Variants in UGGT2 observed in about 807,000 individuals in gnomAD.
UGGT2 encodes UDP-glucose glycoprotein glucosyltransferase 2, also known as UDP-glucose:glycoprotein glucosyltransferase 2.
Under a neutral mutation model 192.1 loss-of-function variants are expected in UGGT2, and 180 were observed. The ratio of observed to expected loss-of-function variants is 0.94; its 90% confidence interval spans 0.83 to 1.06. The LOEUF (loss-of-function observed/expected upper bound fraction) is 1.06, where lower values mean the gene tolerates loss of function less well. Among genes scored for constraint, UGGT2 ranks in the 50% least tolerant of loss-of-function variants. UGGT2 has a pLI of 0.00. For synonymous variants in UGGT2, 580 were observed against 591.0 expected (o/e 0.98, Z 0.27); for missense variants, 1,849 against 1,795.7 (o/e 1.03, Z -0.54).
In UGGT2 at chr13:95,870,310, TACTCA is replaced by T. The variant is rs368004983; in HGVS notation, c.3474-2892_3474-2888del. On this transcript the variant is annotated intron_variant, in intron 29 of 38. Coordinates refer to ENST00000376747, the MANE Select transcript of UGGT2 (RefSeq NM_020121.4). ...ATACACCCATTTTTGTTGTTGTTGT[TACTCA>T]ACTCTTTTGCAGCTAAGGTTTTGGT... Among the ~76,000 whole-genome samples, 538 of 152,330 alleles carry T rather than the reference TACTCA, an allele frequency of 3.5e-3. 6 individuals carry two copies. Among genetic ancestry groups the T allele is most frequent in the African/African-American group, 0.012 (509 of 41,564 alleles).
intron 33 of UGGT2, chr13:95,856,811 C>T (rs1889668944): frequency 4.5e-6 from 1 of 220,474 alleles, no homozygotes; most frequent in Non-Finnish European, 9.1e-6. Flanking sequence ...TATACAGGAG[C>T]TTCATGTTTG....
intron 2 of UGGT2, among the ~76,000 whole-genome samples, chr13:96,028,980 A>AT (rs1038148180): frequency 8.3e-6 from 1 of 119,924 alleles, no homozygotes; most frequent in African/African-American, 3.0e-5. Context: ...CCCGTCTCTA[A>AT]TAAAAAAAAA....
intron 38 of UGGT2, among the ~76,000 whole-genome samples, chr13:95,821,807 A>G (rs1885545719): frequency 6.6e-6 from 1 of 152,154 alleles, no homozygotes; most frequent in Non-Finnish European, 1.5e-5. Flanking sequence ...AGCATCATTT[A>G]TTGAATAGGG....
chr13:95,931,473 C>G (rs545913994), intron 17 of UGGT2, among the ~76,000 whole-genome samples: 1 of 151,456 alleles, frequency 6.6e-6, no homozygotes, highest in African/African-American at 2.4e-5. Flanking sequence ...TGGGACTGGG[C>G]GCCGCGGAGC....
At chr13:95,946,077 ATGACT>A (rs532909941) in intron 15 of UGGT2, among the ~76,000 whole-genome samples, 4 of 152,194 alleles carry the variant, frequency 2.6e-5, no homozygotes, top group Non-Finnish European at 5.9e-5. Context: ...TTTATAAGCT[ATGACT>A]TGACTTTTCT....
chr13:95,931,936 C>T (rs1012328121), intron 17 of UGGT2, among the ~76,000 whole-genome samples: 5 of 152,072 alleles, frequency 3.3e-5, no homozygotes, highest in African/African-American at 4.8e-5. Flanking sequence ...GAGCGGACGC[C>T]GAGGGCAAGG....
intron 19 of UGGT2, 53 bp from the exon 20 acceptor site, chr13:95,925,827 C>T: frequency 7.9e-7 from 1 of 1,270,152 alleles, no homozygotes; most frequent in Non-Finnish European, 1.1e-6. Flanking sequence ...AAAAATAAAA[C>T]AAAAGCAGGG....
At chr13:96,009,653 C>T (rs1341444742) in intron 5 of UGGT2, among the ~76,000 whole-genome samples, 1 of 152,004 alleles carries the variant, frequency 6.6e-6, no homozygotes, top group Non-Finnish European at 1.5e-5. Context: ...ACTAAAAATA[C>T]AAAAATTAGC....
rs816142 is a variant in UGGT2 at position 95,986,382 on chromosome 13, A to C, written c.982T>G (p.Ser328Ala). ...GAAATGTCTTTCATTAATTTAATGG[A>C]ATCATAAACTGGAGCGGACATTATT... ...SQIMSAPVYD[S>A]IKLMKDISQN... Residue 328 changes from serine to alanine, a missense_variant, in exon 9 of 39, where the codon TCC (serine) becomes GCC (alanine). Ser to Ala is a moderately conservative substitution (Grantham distance 99, BLOSUM62 1). Transcript: ENST00000376747. 1,389,311 of 1,597,810 alleles carry C rather than the reference A, an allele frequency of 0.87. 605,399 individuals carry two copies. The highest frequency in any genetic ancestry group is 0.92 in the East Asian group (40,934 of 44,424).
At chr13:95,950,539 C>CAAAA (rs557375454) in intron 12 of UGGT2, among the ~76,000 whole-genome samples, 1 of 83,900 alleles carries the variant, frequency 1.2e-5, no homozygotes. Flanking sequence ...CTGGCTCTCA[C>CAAAA]AAAAAAAAAA....
At chr13:96,020,179 T>C (rs929306993) in intron 4 of UGGT2, among the ~76,000 whole-genome samples, 17 of 152,162 alleles carry the variant, frequency 1.1e-4, no homozygotes, top group Non-Finnish European at 2.2e-4. Context: ...GACTCCTAGT[T>C]GAACTACGTG....
chr13:95,944,352 A>T (rs2049793933), intron 15 of UGGT2, among the ~76,000 whole-genome samples: 1 of 152,102 alleles, frequency 6.6e-6, no homozygotes, highest in African/African-American at 2.4e-5. Context: ...TATTTGGTAG[A>T]ATTTGCTGTG....
At chr13:96,033,834 C>T (rs1344212030) in intron 1 of UGGT2, among the ~76,000 whole-genome samples, 3 of 152,182 alleles carry the variant, frequency 2.0e-5, no homozygotes, top group Non-Finnish European at 4.4e-5. Flanking sequence ...CAGCTTGGCA[C>T]AGGCCTGAAA....
chr13:95,801,694 G>C lies in UGGT2; in HGVS notation c.*96C>G. ...TAAAGAATATGTCACTGATCTTAAC[G>C]AGACTTCCAAATCGTCTCAGCAGGG... On this transcript the variant is annotated 3_prime_UTR_variant, in exon 39 of 39. Coordinates refer to ENST00000376747, the MANE Select transcript of UGGT2 (RefSeq NM_020121.4). 2 of 1,270,026 alleles carry C rather than the reference G, an allele frequency of 1.6e-6. No homozygotes were observed. Among genetic ancestry groups the C allele is most frequent in the Non-Finnish European group, 2.2e-6 (2 of 899,686 alleles). The allele number at this position is 1,270,026 out of a possible 1,614,324, so 78.7% of individuals were successfully genotyped here.
intron 4 of UGGT2, among the ~76,000 whole-genome samples, chr13:96,013,866 T>C (rs1232462445): frequency 6.6e-6 from 1 of 152,138 alleles, no homozygotes; most frequent in African/African-American, 2.4e-5. Flanking sequence ...AGTACTACCT[T>C]ATTCAAAGAC....
At chr13:95,912,868 T>G (rs1459221747) in intron 20 of UGGT2, among the ~76,000 whole-genome samples, 1 of 152,190 alleles carries the variant, frequency 6.6e-6, no homozygotes, top group Non-Finnish European at 1.5e-5. Context: ...CAAAACAGCA[T>G]GGTACTGGTA....
intron 29 of UGGT2, chr13:95,877,033 G>A (rs967352089): frequency 3.0e-5 from 10 of 330,126 alleles, no homozygotes; most frequent in East Asian, 1.1e-4. Flanking sequence ...ACAGGTGTGC[G>A]CCACCATGTC....
chr13:95,932,625 T>C (rs567472818), intron 17 of UGGT2, among the ~76,000 whole-genome samples: 32 of 152,274 alleles, frequency 2.1e-4, no homozygotes, highest in African/African-American at 7.5e-4. Flanking sequence ...TCCAGTACTA[T>C]GATGAATAGG....
At position 95,832,972 on chromosome 13, in the gene UGGT2, T is replaced by C; in HGVS notation, c.4483A>G (p.Ile1495Val). The C allele has an allele frequency of 6.2e-7, 1 of 1,612,964 alleles. No individual in the cohort carries two copies. The highest frequency in any genetic ancestry group is 1.3e-5 in the African/African-American group (1 of 75,006). The change falls in exon 38 of 39, where the codon ATA becomes GTA. Residue 1495 changes from isoleucine (I) to valine (V), a missense_variant. By Grantham distance (29) the Ile-to-Val change is conservative. Transcript: ENST00000376747. Reference sequence around the variant, plus strand: ...TCAAGATGATCTAATAGTTGTCTTATCTCAGCATCATACTCCACCCATTCT... The same window carrying C: ...TCAAGATGATCTAATAGTTGTCTTACCTCAGCATCATACTCCACCCATTCT... ...VPEWVEYDAE[I>V]RQLLDHLENK...
Sources: allele counts gnomAD v4.1 joint callset (sites outside exome capture counted in the v4.1 genomes callset), GRCh38; gene constraint gnomAD v4.1.1; transcripts MANE v1.5; gene names NCBI Gene and HGNC (gene_info 2026-07-23, HGNC 2026-07-21).